The following DAB1 variants were observed in gnomAD, a reference collection of about 807,000 sequenced individuals.
DAB1 encodes disabled homolog 1.
DAB1 carries 15 observed loss-of-function variants against 64.6 expected under a neutral mutation model. The ratio of observed to expected loss-of-function variants is 0.23; its 90% CI spans 0.16 to 0.36. The LOEUF is 0.36. DAB1 is among the 10% of genes least tolerant of loss of function. The pLI, the probability that DAB1 is intolerant of heterozygous loss-of-function variation, is 1.00. For missense variants in DAB1, 596 were observed against 706.7 expected (o/e 0.84, Z 1.78); for synonymous variants, 235 against 251.9 (o/e 0.93, Z 0.64).
chr1:58,432,016 G>C (rs917645764), intron 3 of DAB1, among the ~76,000 whole-genome samples: 1 of 152,160 alleles, frequency 6.6e-6, no homozygotes, highest in African/African-American at 2.4e-5. Context: ...TGGAGCGATG[G>C]GTTTGGAACA....
chr1:58,058,659 A>G (rs903719052), intron 5 of DAB1, among the ~76,000 whole-genome samples: 11 of 152,190 alleles, frequency 7.2e-5, no homozygotes, highest in African/African-American at 2.7e-4. Flanking sequence ...TGAGCTGATG[A>G]TGAGAGATGC....
rs147239888 is a variant in DAB1, at chr1:58,139,503, T to A, written n.387+11008A>T. ...GGCGGAAAAGGCCCTTATAAAACCA[T>A]CAGATCTTGTGAGAACTCACTATTA... is the stretch of plus-strand genomic sequence containing the variant. On this transcript the variant is annotated intron_variant and non_coding_transcript_variant, in intron 5 of 20. Transcript: ENST00000485760. Among the ~76,000 whole-genome samples the A allele has an allele frequency of 4.7e-4, 72 of 152,142 alleles. 1 individual carries two copies. The highest frequency in any genetic ancestry group is 1.6e-3 in the African/African-American group (67 of 41,530).
At chr1:58,118,567 T>C (rs1570375305) in intron 5 of DAB1, among the ~76,000 whole-genome samples, 1 of 56,492 alleles carries the variant, frequency 1.8e-5, no homozygotes, top group South Asian at 6.2e-4. Flanking sequence ...ATAAAATACA[T>C]ATATATATAT....
intron 4 of DAB1, among the ~76,000 whole-genome samples, chr1:58,332,007 A>G (rs1419253122): frequency 6.6e-6 from 1 of 152,214 alleles, no homozygotes; most frequent in East Asian, 1.9e-4. Context: ...ACTGTGAAAT[A>G]TAACACTGTC....
At chr1:57,407,502 G>A (rs1422664622) in intron 1 of DAB1, among the ~76,000 whole-genome samples, 3 of 152,182 alleles carry the variant, frequency 2.0e-5, no homozygotes, top group South Asian at 2.1e-4. Context: ...AAAGGCTGAA[G>A]GAGAGAAGAA....
At chr1:57,744,097 C>T (rs1047530111) in intron 6 of DAB1, among the ~76,000 whole-genome samples, 1 of 152,210 alleles carries the variant, frequency 6.6e-6, no homozygotes, top group African/African-American at 2.4e-5. Flanking sequence ...CACAGTGCTG[C>T]AGAGATTTTG....
At position 57,248,509 on chromosome 1, in the gene DAB1, C is replaced by T. The variant is rs142498074; in HGVS notation, c.67+42455G>A. Among the ~76,000 whole-genome samples, 221 of 152,216 alleles carry T rather than the reference C, an allele frequency of 1.5e-3. 2 individuals carry two copies. The highest frequency in any genetic ancestry group is 5.0e-3 in the African/African-American group (209 of 41,536). ...ATGCTTCTAAACTACTTTTTAAAAA[C>T]CAAACAAACATATGACTGTATCAGC... On this transcript the variant is annotated intron_variant, in intron 2 of 14. Coordinates refer to ENST00000371236, the MANE Select transcript of DAB1 (RefSeq NM_001365792.1).
chr1:57,085,688 A>G (rs1206990362), intron 4 of DAB1, among the ~76,000 whole-genome samples: 3 of 152,208 alleles, frequency 2.0e-5, no homozygotes, highest in Non-Finnish European at 4.4e-5. Context: ...TACCTGGCTA[A>G]TATCTGCTGC....
chr1:58,367,087 T>C (rs1002884878), intron 3 of DAB1, among the ~76,000 whole-genome samples: 2 of 152,210 alleles, frequency 1.3e-5, no homozygotes, highest in Non-Finnish European at 2.9e-5. Flanking sequence ...TTACATATGG[T>C]ACTATCTGTT....
intron 6 of DAB1, among the ~76,000 whole-genome samples, chr1:57,685,867 A>T (rs1646691245): frequency 6.6e-6 from 1 of 152,210 alleles, no homozygotes; most frequent in South Asian, 2.1e-4. Flanking sequence ...ATTTATGAAG[A>T]TAATGATACA....
chr1:58,048,295 A>C, intron 5 of DAB1: 1 of 1,254,120 alleles, frequency 8.0e-7, no homozygotes, highest in Non-Finnish European at 1.2e-6. Context: ...TTCTGCCTCC[A>C]AAATCTCCCC....
chr1:57,174,739 C>T (rs1300648143), intron 2 of DAB1, among the ~76,000 whole-genome samples: 3 of 152,086 alleles, frequency 2.0e-5, no homozygotes, highest in East Asian at 1.9e-4. Flanking sequence ...GGCTCTACTC[C>T]GAACAGGAAT....
At chr1:57,183,502 G>T (rs951142647) in intron 2 of DAB1, among the ~76,000 whole-genome samples, 7 of 152,174 alleles carry the variant, frequency 4.6e-5, no homozygotes, top group African/African-American at 1.7e-4. Context: ...AGAGAGGGAA[G>T]GAGGTGATTT....
intron 4 of DAB1, among the ~76,000 whole-genome samples, chr1:58,219,699 A>G (rs778105989): frequency 9.2e-5 from 14 of 152,220 alleles, no homozygotes; most frequent in Admixed American, 2.0e-4. Flanking sequence ...GCCTCCCTGT[A>G]CATGCACCTG....
At chr1:57,819,100 G>A (rs1310112501) in intron 6 of DAB1, among the ~76,000 whole-genome samples, 1 of 152,190 alleles carries the variant, frequency 6.6e-6, no homozygotes, top group Non-Finnish European at 1.5e-5. Context: ...CTATATGACT[G>A]ATGGATGTAG....
intron 7 of DAB1, among the ~76,000 whole-genome samples, chr1:57,586,477 TTC>T (rs10597532): frequency 0.96 from 142,694 of 148,596 alleles, 68,703 homozygotes; most frequent in East Asian, 1. Flanking sequence ...TTTCTTTCTC[TTC>T]TCTCTCTCTC....
intron 2 of DAB1, among the ~76,000 whole-genome samples, chr1:57,242,958 T>C (rs1668600237): frequency 1.3e-5 from 2 of 152,202 alleles, no homozygotes; most frequent in Admixed American, 6.5e-5. Context: ...TATCCTTTGA[T>C]CATTGTTATT....
intron 1 of DAB1, among the ~76,000 whole-genome samples, chr1:57,406,093 C>G (rs952614757): frequency 6.6e-6 from 1 of 152,186 alleles, no homozygotes; most frequent in African/African-American, 2.4e-5. Context: ...ATGGCACATG[C>G]CTCCAACTTT....
chr1:57,511,533 C>CT (rs1173105070), intron 7 of DAB1, among the ~76,000 whole-genome samples: 2 of 152,292 alleles, frequency 1.3e-5, no homozygotes, highest in South Asian at 2.1e-4. Context: ...TATCACACTG[C>CT]TTTTTTTGTA....
Sources: allele counts gnomAD v4.1 joint callset (sites outside exome capture counted in the v4.1 genomes callset), GRCh38; gene constraint gnomAD v4.1.1; transcripts MANE v1.5; gene names NCBI Gene and HGNC (gene_info 2026-07-23, HGNC 2026-07-21).